PTBP3: variants seen among roughly 807,000 people sequenced by gnomAD.
The protein encoded by PTBP3 is polypyrimidine tract-binding protein 3.
A neutral mutation model predicts 58.7 loss-of-function variants in PTBP3; 20 were observed. That is an observed-to-expected ratio of 0.34 (90% CI 0.24 to 0.50). The LOEUF is 0.50. PTBP3 is among the 20% of genes least tolerant of loss of function. The pLI is 0.98. For synonymous variants in PTBP3, 185 were observed against 219.8 expected (o/e 0.84, Z 1.40); for missense variants, 509 against 637.2 (o/e 0.80, Z 2.17).
intron 11 of PTBP3, among the ~76,000 whole-genome samples, chr9:112,227,887 T>C (rs1440765787): frequency 6.6e-6 from 1 of 152,180 alleles, no homozygotes; most frequent in East Asian, 1.9e-4. Flanking sequence ...GCCTGGAACA[T>C]AGTAAGTATT....
At chr9:112,356,851 A>T in the PTBP3 span, among the ~76,000 whole-genome samples, 1 of 144,544 alleles carries the variant, frequency 6.9e-6, no homozygotes, top group Non-Finnish European at 1.5e-5. Flanking sequence ...TTCATTTCAG[A>T]GCAGGTGTAT....
chr9:112,262,991 TA>T (rs1240388832), intron 4 of PTBP3, among the ~76,000 whole-genome samples: 3 of 152,240 alleles, frequency 2.0e-5, no homozygotes, highest in Non-Finnish European at 4.4e-5. Flanking sequence ...TATTCTCCAC[TA>T]AAAGAGACCA....
chr9:112,302,381 T>C (rs1042707541), intron 1 of PTBP3, among the ~76,000 whole-genome samples: 2 of 151,804 alleles, frequency 1.3e-5, no homozygotes, highest in Non-Finnish European at 2.9e-5. Flanking sequence ...CTTTCTACCA[T>C]CCAAACAAGT....
chr9:112,270,886 T>C (rs1827357538), intron 3 of PTBP3, among the ~76,000 whole-genome samples: 6 of 152,190 alleles, frequency 3.9e-5, no homozygotes, highest in Admixed American at 3.9e-4. Context: ...AGCGTGATCT[T>C]GGCTCACTGC....
At chr9:112,268,542 A>T (rs1310035532) in intron 3 of PTBP3, among the ~76,000 whole-genome samples, 1 of 151,694 alleles carries the variant, frequency 6.6e-6, no homozygotes, top group African/African-American at 2.4e-5. Flanking sequence ...AAAAAATTTT[A>T]AAAATTAGCG....
upstream of PTBP3, among the ~76,000 whole-genome samples, chr9:112,337,312 G>A (rs1178602014): frequency 2.0e-5 from 3 of 152,196 alleles, no homozygotes; most frequent in African/African-American, 4.8e-5. Flanking sequence ...TTACAGGCGT[G>A]AGCCACCGTG....
At chr9:112,239,704 C>G (rs919889710) in intron 7 of PTBP3, among the ~76,000 whole-genome samples, 1 of 150,720 alleles carries the variant, frequency 6.6e-6, no homozygotes, top group African/African-American at 2.4e-5. Context: ...GCACTCCAGC[C>G]TGGGTAACAG....
chr9:112,243,419 G>A (rs1014973492), intron 7 of PTBP3, among the ~76,000 whole-genome samples: 1 of 152,130 alleles, frequency 6.6e-6, no homozygotes, highest in African/African-American at 2.4e-5. Context: ...GCAGGCACCT[G>A]TAATCCCAGC....
At chr9:112,277,943 TAATATAACATAACATAAC>T (rs1564427629) in intron 2 of PTBP3, among the ~76,000 whole-genome samples, 57 of 105,220 alleles carry the variant, frequency 5.4e-4, no homozygotes, top group East Asian at 1.3e-3. Flanking sequence ...TAACATAACA[TAATATAACATAACATAAC>T]ATAACATAAC....
intron 8 of PTBP3, among the ~76,000 whole-genome samples, chr9:112,234,392 G>A (rs929934859): frequency 1.3e-5 from 2 of 152,190 alleles, no homozygotes; most frequent in African/African-American, 4.8e-5. Context: ...TGAATGTATA[G>A]TATGACTGCA....
Position 112,313,292 on chromosome 9 carries a change from C to T in PTBP3, c.-51-15376G>A, listed in dbSNP as rs189560264. On this transcript the variant is annotated intron_variant, in intron 1 of 13. Coordinates refer to ENST00000374257, the MANE Select transcript of PTBP3 (RefSeq NM_001163788.4). ...TAATCACAGCTCACAGTAACCTCCT[C>T]TCATGGGCTCGAATAATCCTCCTAC... is the stretch of plus-strand genomic sequence containing the variant. Among the ~76,000 whole-genome samples, 392 of 152,278 alleles carry T rather than the reference C, an allele frequency of 2.6e-3. 1 individual carries two copies. The highest frequency in any genetic ancestry group is 8.9e-3 in the African/African-American group (370 of 41,554).
intron 1 of PTBP3, among the ~76,000 whole-genome samples, chr9:112,332,296 G>T (rs899570750): frequency 6.6e-6 from 1 of 152,168 alleles, no homozygotes; most frequent in East Asian, 1.9e-4. Context: ...GCATTCAAAT[G>T]AATCAATCCG....
rs1023093580 is a variant in PTBP3, at chr9:112,305,679, G to A, written c.-51-7763C>T. ...CTTTCAGCCGGGCACGGTGGCTCAC[G>A]CCTGTAATCTCAGCACTTTGGGAGG... On this transcript the variant is annotated intron_variant, in intron 1 of 13. Coordinates refer to ENST00000374257, the MANE Select transcript of PTBP3 (RefSeq NM_001163788.4). Among the ~76,000 whole-genome samples the A allele has an allele frequency of 3.9e-5, 6 of 152,250 alleles. No individual in the cohort carries two copies. In the South Asian group the frequency reaches 6.2e-4, roughly 16 times the overall value.
the PTBP3 span, among the ~76,000 whole-genome samples, chr9:112,364,902 C>G: frequency 6.6e-6 from 1 of 151,312 alleles, no homozygotes; most frequent in Non-Finnish European, 1.5e-5. Flanking sequence ...CTGACCCTAT[C>G]TAACAGTTTC....
At chr9:112,326,883 T>C (rs1422090538) in intron 1 of PTBP3, among the ~76,000 whole-genome samples, 1 of 152,196 alleles carries the variant, frequency 6.6e-6, no homozygotes, top group Non-Finnish European at 1.5e-5. Context: ...TCACTCATTA[T>C]CATCTAGTTG....
the PTBP3 span, among the ~76,000 whole-genome samples, chr9:112,339,913 C>G: frequency 6.6e-6 from 1 of 152,106 alleles, no homozygotes; most frequent in Non-Finnish European, 1.5e-5. Context: ...AGGATTATAA[C>G]CATGACACTA....
At chr9:112,261,060 G>C (rs3849126) in intron 5 of PTBP3, among the ~76,000 whole-genome samples, 85,197 of 152,028 alleles carry the variant, frequency 0.56, 25,750 homozygotes, top group African/African-American at 0.81. Context: ...CAATGTTACA[G>C]TAGCAACCCC....
rs891629667 is a variant in PTBP3 at position 112,270,499 on chromosome 9, T to A, written c.205-2304A>T. Among the ~76,000 whole-genome samples the A allele has an allele frequency of 9.8e-5, 15 of 152,322 alleles. No individual in the cohort carries two copies. The East Asian group carries it at 2.7e-3, about 27-fold the overall frequency. ...AATAATCTACGCTTTTGAATTTTTTTAATAAACATACGAAGCATTTTTAAT... is the reference window on the plus strand; with the variant it reads ...AATAATCTACGCTTTTGAATTTTTTAAATAAACATACGAAGCATTTTTAAT... On this transcript the variant is annotated intron_variant, in intron 3 of 13. Transcript: ENST00000374257.
At chr9:112,347,756 A>T in the PTBP3 span, among the ~76,000 whole-genome samples, 5 of 152,212 alleles carry the variant, frequency 3.3e-5, no homozygotes, top group Non-Finnish European at 5.9e-5. Context: ...TTTATAAAAC[A>T]TGACAAGGGA....
Sources: allele counts gnomAD v4.1 joint callset (sites outside exome capture counted in the v4.1 genomes callset), GRCh38; gene constraint gnomAD v4.1.1; transcripts MANE v1.5; gene names NCBI Gene and HGNC (gene_info 2026-07-23, HGNC 2026-07-21).